PRX: variants seen among roughly 807,000 people sequenced by gnomAD.
The protein encoded by PRX is periaxin.
In PRX, 24 loss-of-function variants were observed where a neutral mutation model predicts 29.6. The ratio of observed to expected loss-of-function variants is 0.81; its 90% CI spans 0.59 to 1.14. The LOEUF (loss-of-function observed/expected upper bound fraction) is 1.14, where lower values mean the gene tolerates loss of function less well. Among genes scored for constraint, PRX ranks in the 50% most tolerant of loss-of-function variants. The probability of loss-of-function intolerance (pLI) is 0.00; values close to 1 mark genes in which losing one functional copy is unlikely to be tolerated. For missense variants in PRX, 1,838 were observed against 1,926.4 expected (o/e 0.95, Z 0.86); for synonymous variants, 772 against 831.7 (o/e 0.93, Z 1.24).
At chr19:40,409,451 C>CTGCTATTAT (rs1555802688) in intron 1 of PRX, among the ~76,000 whole-genome samples, 43 of 142,362 alleles carry the variant, frequency 3.0e-4, no homozygotes, top group African/African-American at 1.1e-3. Flanking sequence ...TAAATACTTG[C>CTGCTATTAT]TATTATTATT....
Position 40,395,043 on chromosome 19 carries a change from C to G in PRX, c.3309G>C (p.Thr1103=), listed in dbSNP as rs557336965. The change falls in exon 7 of 7, where the codon ACG becomes ACC. Residue 1103 remains threonine, a synonymous_variant. Coordinates refer to ENST00000324001, the MANE Select transcript of PRX (RefSeq NM_181882.3). ...QLKIPEVELV[T]LGAQEEGRAE... ...CCCTCCCTTCCTCCTGGGCGCCCAG[C>G]GTGACCAGCTCCACCTCGGGGATCT... 6.2e-7 allele frequency: 1 copy of G among 1,611,752 alleles called. No individual in the cohort carries two copies. Among genetic ancestry groups the G allele is most frequent in the Non-Finnish European group, 8.5e-7 (1 of 1,179,990 alleles).
At position 40,397,138 on chromosome 19, in the gene PRX, G is replaced by A. The variant is rs141239550; in HGVS notation, c.1214C>T (p.Pro405Leu). The change falls in exon 7 of 7, where the codon CCC becomes CTC. Residue 405 changes from proline (P) to leucine (L), a missense_variant. By Grantham distance (98) the Pro-to-Leu change is moderately conservative. Coordinates refer to ENST00000324001, the MANE Select transcript of PRX (RefSeq NM_181882.3). ...GCTCTCTACAACTTCAGGAGCAGCG[G>A]GCCGGGGCTCCAAGAGGGAAAGCCC... ...TFGLSLLEPR[P>L]AAPEVVESKL... 4 of 1,614,050 alleles carry A rather than the reference G, an allele frequency of 2.5e-6. No homozygotes were observed. The African/African-American group carries it at 5.3e-5, about 22-fold the overall frequency.
At position 40,406,771 on chromosome 19, in the gene PRX, C is replaced by CTTT. The variant is rs59493934; in HGVS notation, c.27+1132_27+1134dup. ...GAGGTGGAGATCATTACCTCCATTT[C>CTTT]TTTTTTTTTTTTTTTTTTTTGAGAC... On this transcript the variant is annotated intron_variant, in intron 4 of 6. Transcript: ENST00000324001. 3.2e-3 allele frequency among the ~76,000 whole-genome samples: 394 copies of CTTT among 121,332 alleles called. 9 individuals are homozygous for CTTT. Among genetic ancestry groups the CTTT allele is most frequent in the African/African-American group, 0.012 (361 of 29,742 alleles). The allele number at this position is 121,332 out of a possible 152,430, so 79.6% of individuals were successfully genotyped here.
At chr19:40,409,575 T>A (rs1180773118) in intron 1 of PRX, among the ~76,000 whole-genome samples, 1 of 151,676 alleles carries the variant, frequency 6.6e-6, no homozygotes, top group East Asian at 1.9e-4. Context: ...TGGGTTCAAG[T>A]GATTCTCCTG....
At position 40,398,616 on chromosome 19, in the gene PRX, G is replaced by A. The variant is rs1319276347; in HGVS notation, c.381+4C>T. On this transcript the variant is annotated splice_donor_region_variant and intron_variant, in intron 6 of 6. Coordinates refer to ENST00000324001, the MANE Select transcript of PRX (RefSeq NM_181882.3). The surrounding 1 kb of genome is among the most constrained non-coding windows in gnomAD (Gnocchi z 6.3). ...AGGGCCGGGGCCGGGCTAAGCACGC[G>A]TACCAGCTTGGCCACCTTGGCCCGC... is the stretch of plus-strand genomic sequence containing the variant. 3 of 1,613,270 alleles carry A rather than the reference G, an allele frequency of 1.9e-6. No individual in the cohort carries two copies. Among genetic ancestry groups the A allele is most frequent in the Admixed American group, 1.7e-5 (1 of 59,970 alleles).
chr19:40,402,613 T>C (rs943628736), intron 5 of PRX, among the ~76,000 whole-genome samples: 3 of 149,028 alleles, frequency 2.0e-5, no homozygotes, highest in Non-Finnish European at 3.0e-5. Flanking sequence ...CTACTAAAAA[T>C]ACAAAAAATT....
chr19:40,395,095 T>G lies in PRX; in HGVS notation c.3257A>C (p.Lys1086Thr). The G allele has an allele frequency of 6.2e-7, 1 of 1,613,442 alleles. No homozygotes were observed. The highest frequency in any genetic ancestry group is 1.7e-5 in the Admixed American group (1 of 60,020). Reference sequence around the variant, plus strand: ...AAGCTGCACAGCGGTGGACTCAGCCTTTTCCCCCGGGCTGGCACGATCACC... The same window carrying G: ...AAGCTGCACAGCGGTGGACTCAGCCGTTTCCCCCGGGCTGGCACGATCACC... ...VQGDRASPGE[K>T]AESTAVQLKI... Residue 1086 changes from lysine (K) to threonine (T), a missense_variant, in exon 7 of 7, where the codon AAG (lysine) becomes ACG (threonine). Lys to Thr is a moderately conservative substitution (Grantham distance 78, BLOSUM62 -1). This residue lies in a region of PRX where 1,143 missense variants were observed against 1,193.0 expected (regional missense o/e 0.96). Coordinates refer to ENST00000324001, the MANE Select transcript of PRX (RefSeq NM_181882.3).
intron 5 of PRX, among the ~76,000 whole-genome samples, chr19:40,401,177 A>G (rs893157384): frequency 6.6e-6 from 1 of 152,246 alleles, no homozygotes; most frequent in Non-Finnish European, 1.5e-5. Context: ...AAATATATAT[A>G]TACCTCCAAA....
In PRX at chr19:40,395,493, T is replaced by C. The variant is rs369688519; in HGVS notation, c.2859A>G (p.Arg953=). ...ATTTGGATACCTTCAGCTTGGTAGC[T>C]CGCCCAGCCCCCTCAGCCTCTGCCT... The part of the protein sequence containing the change: ...VAKAEAEGAG[R]ATKLKVSKFA... Residue 953 remains arginine, a synonymous_variant, in exon 7 of 7, where the codon CGA becomes CGG. Transcript: ENST00000324001. 2 of 1,613,634 alleles carry C rather than the reference T, an allele frequency of 1.2e-6. No homozygotes were observed. The highest frequency in any genetic ancestry group is 1.7e-6 in the Non-Finnish European group (2 of 1,179,952).
At position 40,395,439 on chromosome 19, in the gene PRX, C is replaced by G; in HGVS notation, c.2913G>C (p.Val971=). ...KFAISLPKAR[V]GAEAEAKGAG... Reference sequence around the variant, plus strand: ...CCCCTTTGGCCTCAGCCTCAGCCCCCACCCGAGCCTTGGGGAGTGAGATGG... The same window carrying G: ...CCCCTTTGGCCTCAGCCTCAGCCCCGACCCGAGCCTTGGGGAGTGAGATGG... The change falls in exon 7 of 7, where the codon GTG becomes GTC. Residue 971 remains valine (V), a synonymous_variant. Transcript: ENST00000324001. The G allele has an allele frequency of 3.1e-6, 5 of 1,614,132 alleles. No individual in the cohort carries two copies. The South Asian group carries it at 4.4e-5, about 14-fold the overall frequency.
rs143289108 is a variant in PRX, at chr19:40,394,506, C to T, written c.3846G>A (p.Ser1282=). The T allele has an allele frequency of 4.7e-4, 744 of 1,599,890 alleles. 6 individuals are homozygous for T. In the African/African-American group the frequency reaches 8.9e-3, roughly 19 times the overall value. The change falls in exon 7 of 7, where the codon TCG becomes TCA. Residue 1282 remains serine (S), a synonymous_variant. Transcript: ENST00000324001. This position sits in a 1 kb window ranked among gnomAD's most constrained non-coding sequence, Gnocchi z 5.8. ...FCLSLPDVEL[S]PSGGNHAEYQ... is the part of the protein sequence containing the mutation. ...ACTCGGCATGGTTGCCCCCGGATGG[C>T]GAGAGCTCCACGTCGGGCAGTGAGA...
At chr19:40,400,163 G>GTA (rs2145736655) in intron 5 of PRX, among the ~76,000 whole-genome samples, 1 of 150,470 alleles carries the variant, frequency 6.6e-6, no homozygotes, top group South Asian at 2.1e-4. Context: ...TGTATTTTTA[G>GTA]TAGAGACGGG....
rs1413783895 is a variant in PRX, at chr19:40,394,463, C to A, written c.3889G>T (p.Glu1297Ter). The change falls in exon 7 of 7, where the codon GAG becomes TAG. Residue 1297 changes from glutamate to a stop codon, truncating the protein, a stop_gained. Transcript: ENST00000324001. LOFTEE classifies it high-confidence loss of function. This position sits in a 1 kb window ranked among gnomAD's most constrained non-coding sequence, Gnocchi z 5.8. ...TTGAGCTTGTGTCCGGCCTCTCCCT[C>A]CCCCTCTGCCACCTGGTACTCGGCA... is the stretch of plus-strand genomic sequence containing the variant. ...NHAEYQVAEG[E>*]GEAGHKLKVR... 6.2e-7 allele frequency: 1 copy of A among 1,601,382 alleles called. No individual in the cohort carries two copies. Among genetic ancestry groups the A allele is most frequent in the Non-Finnish European group, 8.5e-7 (1 of 1,174,366 alleles).
chr19:40,404,298 G>A (rs965390061), intron 4 of PRX, among the ~76,000 whole-genome samples: 2 of 152,218 alleles, frequency 1.3e-5, no homozygotes, highest in Non-Finnish European at 2.9e-5. Context: ...CAGCCGAAAG[G>A]GGTTAGGGGA....
chr19:40,394,046 G>C lies in PRX; in HGVS notation c.4306C>G (p.Arg1436Gly), dbSNP rs1332674327. ...TCTGAAAACCCCACGCTGGGCAGCCGCACCCGCAATCCACCCTCTTCCTGG... is the reference window on the plus strand; with the variant it reads ...TCTGAAAACCCCACGCTGGGCAGCCCCACCCGCAATCCACCCTCTTCCTGG... Reference protein sequence around the residue: ...GDQEEGGLRVRLPSVGFSETG... With the variant: ...GDQEEGGLRVGLPSVGFSETG... The change falls in exon 7 of 7, where the codon CGG becomes GGG. Residue 1436 changes from arginine (R) to glycine (G), a missense_variant. Physicochemically the swap from Arg to Gly is moderately radical, Grantham distance 125 (BLOSUM62 -2). This residue lies in a region of PRX where 1,143 missense variants were observed against 1,193.0 expected (regional missense o/e 0.96). Transcript: ENST00000324001. The surrounding 1 kb of genome is among the most constrained non-coding windows in gnomAD (Gnocchi z 5.8). 3 of 1,612,518 alleles carry C rather than the reference G, an allele frequency of 1.9e-6. No homozygotes were observed. In the African/African-American group the frequency reaches 4.0e-5, roughly 22 times the overall value.
chr19:40,405,626 C>CTTTTT (rs1167458782), intron 4 of PRX, among the ~76,000 whole-genome samples: 2 of 74,398 alleles, frequency 2.7e-5, no homozygotes, highest in Admixed American at 1.6e-4. Flanking sequence ...TGCAGAATCT[C>CTTTTT]TTTTTTTTTT....
In PRX at chr19:40,396,883, C is replaced by T. The variant is rs752314625; in HGVS notation, c.1469G>A (p.Arg490Gln). 3.7e-6 allele frequency: 6 copies of T among 1,613,732 alleles called. No homozygotes were observed. The highest frequency in any genetic ancestry group is 1.3e-5 in the African/African-American group (1 of 74,814). ...TTTGGGCAGCTCTACCTCTGGAAGCCGCACCTCCGGCACAGCCATCTCTGG... is the reference window on the plus strand; with the variant it reads ...TTTGGGCAGCTCTACCTCTGGAAGCTGCACCTCCGGCACAGCCATCTCTGG... ...KVPEMAVPEV[R>Q]LPEVELPKVS... Residue 490 changes from arginine (R) to glutamine (Q), a missense_variant, in exon 7 of 7, where the codon CGG (arginine) becomes CAG (glutamine). Arg to Gln is a conservative substitution (Grantham distance 43). This residue lies in a region of PRX where 666 missense variants were observed against 665.0 expected (regional missense o/e 1.00). Transcript: ENST00000324001.
In PRX at chr19:40,396,618, T is replaced by C. The variant is rs1179340033; in HGVS notation, c.1734A>G (p.Pro578=). The C allele has an allele frequency of 8.7e-6, 14 of 1,613,756 alleles. No individual in the cohort carries two copies. The South Asian group carries it at 1.3e-4, about 15-fold the overall frequency. The change falls in exon 7 of 7, where the codon CCA becomes CCG. Residue 578 remains proline, a synonymous_variant. Transcript: ENST00000324001. The part of the protein sequence containing the change: ...RLPEVQLPKV[P]EMKVPEMKLP... ...GCTTCATCTCAGGGACTTTCATCTC[T>C]GGCACTTTCGGCAGCTGCACCTCTG...
intron 4 of PRX, among the ~76,000 whole-genome samples, chr19:40,406,775 T>C (rs916664690): frequency 1.6e-4 from 17 of 103,704 alleles, no homozygotes; most frequent in Non-Finnish European, 3.5e-4. Flanking sequence ...CCATTTCTTT[T>C]TTTTTTTTTT....
Sources: gnomAD v4.1 joint callset for allele counts (sites outside exome capture counted in the v4.1 genomes callset) on GRCh38, gnomAD v4.1.1 for gene constraint, gnomAD v4.1.1 regional missense constraint, Gnocchi (gnomAD v3.1) non-coding constraint, MANE v1.5 for transcripts, NCBI Gene and HGNC (gene_info 2026-07-23, HGNC 2026-07-21) for gene names.